Variants in TBC1D26 observed in about 807,000 individuals in gnomAD.
TBC1D26 encodes TBC1 domain family member 26.
In TBC1D26, 19 loss-of-function variants were observed where a neutral mutation model predicts 42.5. The ratio of observed to expected loss-of-function variants is 0.45; its 90% CI spans 0.31 to 0.66. The LOEUF (loss-of-function observed/expected upper bound fraction) is 0.66. Ranked by LOEUF, TBC1D26 falls within the 30% of genes least tolerant of loss-of-function variation. The pLI is 0.06. For synonymous variants in TBC1D26, 97 were observed against 123.5 expected (o/e 0.79, Z 1.42); for missense variants, 228 against 332.6 (o/e 0.69, Z 2.45).
intron 9 of TBC1D26, 21 bp from the exon 10 acceptor site, chr17:15,741,101 C>T (rs771743968): frequency 1.4e-5 from 23 of 1,606,320 alleles, no homozygotes; most frequent in Middle Eastern, 1.7e-4. Context: ...CATCTTTCCA[C>T]GGTGACTCTG....
At chr17:15,740,058 G>T (rs1567724476) in intron 8 of TBC1D26, 42 bp from the exon 9 acceptor site, 1 of 1,581,226 alleles carries the variant, frequency 6.3e-7, no homozygotes, top group Non-Finnish European at 8.6e-7. Context: ...GACAGCGTCT[G>T]CACACACACA....
intron 8 of TBC1D26, 144 bp downstream of exon 8, chr17:15,738,974 C>T (rs541335505): frequency 1.6e-6 from 2 of 1,218,052 alleles, no homozygotes; most frequent in Non-Finnish European, 2.3e-6. Flanking sequence ...GCAGCCGGCA[C>T]CATGGACTGA....
intron 11 of TBC1D26, 136 bp from the exon 12 acceptor site, chr17:15,742,278 C>G: frequency 1.9e-6 from 1 of 534,252 alleles, no homozygotes; most frequent in Non-Finnish European, 3.4e-6. Flanking sequence ...ACCGGGCGTC[C>G]GTGCATGGGG....
chr17:15,739,284 G>C (rs987916435), intron 8 of TBC1D26, among the ~76,000 whole-genome samples: 1 of 151,498 alleles, frequency 6.6e-6, no homozygotes, highest in Non-Finnish European at 1.5e-5. Flanking sequence ...AGTCACATGG[G>C]CTGTGGCTCA....
chr17:15,741,760 G>A (rs777237238), intron 10 of TBC1D26, 182 bp from the exon 11 acceptor site: 37 of 604,684 alleles, frequency 6.1e-5, no homozygotes, highest in Admixed American at 4.9e-4. Context: ...CCAGGAGGCC[G>A]CTAGGCAGTG....
chr17:15,742,394 A>T lies in TBC1D26; in HGVS notation c.742-20A>T, dbSNP rs1413334756. The T allele has an allele frequency of 1.6e-5, 6 of 373,874 alleles. No individual in the cohort carries two copies. In the East Asian group the frequency reaches 4.4e-4, roughly 28 times the overall value. 23.2% of individuals were successfully genotyped at this position (373,874 alleles called of 1,614,324 possible). A position where few individuals can be genotyped will look rare whatever the true frequency, so the allele number is the denominator to read the frequency against. ...CAGGGCAGCCCAGGGGGCCCTGAGC[A>T]CGTGTGCTCCTCCCTTCAGGGCAAG... is the stretch of plus-strand genomic sequence containing the variant. On this transcript the variant is annotated intron_variant, in intron 11 of 14. Transcript: ENST00000437605.
intron 14 of TBC1D26, 138 bp downstream of exon 14, chr17:15,743,654 A>G (rs1457760667): frequency 2.0e-5 from 4 of 196,816 alleles, no homozygotes; most frequent in African/African-American, 2.4e-5. Context: ...CTACTCCAAG[A>G]AAGTCAGATG....
chr17:15,740,650 G>A, intron 9 of TBC1D26: 1 of 1,079,312 alleles, frequency 9.3e-7, no homozygotes, highest in Non-Finnish European at 1.1e-6. Context: ...GGCAGGGAGA[G>A]CTGCTGAGCT....
Position 15,738,530 on chromosome 17 carries a change from C to T in TBC1D26, c.387+143C>T, listed in dbSNP as rs1967686392. On this transcript the variant is annotated intron_variant, in intron 7 of 14. Transcript: ENST00000437605. ...CACATCCTGGGCATAGATGGTAACT[C>T]AGGCACCACAGGTGCGCTGGGCTCT... 3.1e-6 allele frequency: 4 copies of T among 1,307,238 alleles called. No homozygotes were observed. The Admixed American group carries it at 8.3e-5, about 27-fold the overall frequency. The allele number at this position is 1,307,238 out of a possible 1,614,324, so 81.0% of individuals were successfully genotyped here.
intron 9 of TBC1D26, chr17:15,740,397 C>A: frequency 7.0e-7 from 1 of 1,434,002 alleles, no homozygotes; most frequent in Non-Finnish European, 9.1e-7. Flanking sequence ...AGCCTAGGAG[C>A]TTGGCAGGGT....
chr17:15,734,927 C>T lies in TBC1D26; in HGVS notation c.-142-3C>T, dbSNP rs1248806153. 4.8e-6 allele frequency: 1 copy of T among 208,022 alleles called. No homozygotes were observed. Among genetic ancestry groups the T allele is most frequent in the Non-Finnish European group, 9.7e-6 (1 of 102,714 alleles). 12.9% of individuals were successfully genotyped at this position (208,022 alleles called of 1,614,324 possible). A position where few individuals can be genotyped will look rare whatever the true frequency, so the allele number is the denominator to read the frequency against. On this transcript the variant is annotated splice_polypyrimidine_tract_variant and splice_region_variant and intron_variant, in intron 1 of 14. Transcript: ENST00000437605. ...CAGTCACCAGATGTCTTGCTTCCTACAGAAAACTGATTATATTCCTGGTCC... is the reference window on the plus strand; with the variant it reads ...CAGTCACCAGATGTCTTGCTTCCTATAGAAAACTGATTATATTCCTGGTCC...
At chr17:15,738,170 G>C in intron 6 of TBC1D26, 93 bp downstream of exon 6, 1 of 1,609,750 alleles carries the variant, frequency 6.2e-7, no homozygotes, top group Admixed American at 1.7e-5. Context: ...CTGCCTCTCA[G>C]TGGGTGGGTG....
intron 7 of TBC1D26, 64 bp from the exon 8 acceptor site, chr17:15,738,657 G>C: frequency 6.2e-7 from 1 of 1,611,502 alleles, no homozygotes. Context: ...GATGACTGCC[G>C]TTTGGGGCAG....
intron 11 of TBC1D26, 58 bp downstream of exon 11, chr17:15,742,094 G>C: frequency 6.8e-7 from 1 of 1,469,232 alleles, no homozygotes; most frequent in Non-Finnish European, 9.4e-7. Flanking sequence ...TAGGCCAGGG[G>C]AGGCTCAAGT....
intron 10 of TBC1D26, chr17:15,741,442 T>A: frequency 1.4e-6 from 1 of 728,144 alleles, no homozygotes; most frequent in Non-Finnish European, 2.2e-6. Context: ...CTTTCATCCC[T>A]AACATCAGAG....
chr17:15,742,000 G>T lies in TBC1D26; in HGVS notation c.705G>T (p.Val235=), dbSNP rs1369363949. ...LERLLSHQEQ[V]LHKSFPKIMR... is the part of the protein sequence containing the mutation. ...GGCTCCTATCGCACCAGGAGCAGGT[G>T]CTGCACAAGTCCTTCCCAAAGATCA... The change falls in exon 11 of 15, where the codon GTG becomes GTT. Residue 235 remains valine, a synonymous_variant. Transcript: ENST00000437605. The T allele has an allele frequency of 6.2e-7, 1 of 1,614,088 alleles. No individual in the cohort carries two copies. The highest frequency in any genetic ancestry group is 1.3e-5 in the African/African-American group (1 of 75,032).
intron 7 of TBC1D26, 39 bp from the exon 8 acceptor site, chr17:15,738,682 G>A (rs1038332154): frequency 1.9e-6 from 3 of 1,613,912 alleles, no homozygotes. Context: ...TCTTTTGTCT[G>A]TTCTGAGGCT....
chr17:15,735,563 T>A, intron 3 of TBC1D26, 34 bp from the exon 4 acceptor site: 2 of 880,576 alleles, frequency 2.3e-6, no homozygotes, highest in Middle Eastern at 3.5e-4. Flanking sequence ...CCTCTCACCT[T>A]ACCCCCACTA....
chr17:15,735,072 T>C lies in TBC1D26; in HGVS notation c.-2+2T>C, dbSNP rs1967573470. Reference sequence around the variant, plus strand: ...ACGCCGTTTGTCCTGCCAGGGCAGGTGTGTGTCTGCCTTGGGGTGTTCAGG... The same window carrying C: ...ACGCCGTTTGTCCTGCCAGGGCAGGCGTGTGTCTGCCTTGGGGTGTTCAGG... On this transcript the variant is annotated splice_donor_variant, in intron 2 of 14. Transcript: ENST00000437605. LOFTEE classifies it low-confidence loss of function (5UTR_SPLICE). 2 of 512,380 alleles carry C rather than the reference T, an allele frequency of 3.9e-6. No individual in the cohort carries two copies. Among genetic ancestry groups the C allele is most frequent in the Admixed American group, 3.4e-5 (1 of 29,156 alleles). 31.7% of individuals were successfully genotyped at this position (512,380 alleles called of 1,614,324 possible).
Sources: allele counts gnomAD v4.1 joint callset (sites outside exome capture counted in the v4.1 genomes callset), GRCh38; gene constraint gnomAD v4.1.1; transcripts MANE v1.5; gene names NCBI Gene and HGNC (gene_info 2026-07-23, HGNC 2026-07-21).